WRAP73: variants seen among roughly 807,000 people sequenced by gnomAD.
WRAP73 encodes the protein WD repeat containing, antisense to TP73, also known as WD repeat-containing protein WRAP73.
WRAP73 carries 55 observed loss-of-function variants against 59.6 expected under a neutral mutation model. The ratio of observed to expected loss-of-function variants is 0.92; its 90% CI spans 0.74 to 1.15. WRAP73 has a LOEUF of 1.15. Ranked by LOEUF, WRAP73 falls within the 50% of genes most tolerant of loss-of-function variation. The probability of loss-of-function intolerance (pLI) is 0.00; values close to 1 mark genes in which losing one functional copy is unlikely to be tolerated. For synonymous variants in WRAP73, 265 were observed against 258.2 expected (o/e 1.03, Z -0.25); for missense variants, 592 against 608.1 (o/e 0.97, Z 0.28).
intron 6 of WRAP73, 150 bp downstream of exon 6, chr1:3,635,794 C>T (rs996235484): frequency 1.5e-6 from 1 of 687,496 alleles, no homozygotes. Flanking sequence ...GCACTCCAGC[C>T]TGGGTGACAG....
chr1:3,640,654 CA>C (rs1184223331), intron 3 of WRAP73, among the ~76,000 whole-genome samples: 1 of 149,842 alleles, frequency 6.7e-6, no homozygotes, highest in Non-Finnish European at 1.5e-5. Context: ...TGAGCATCAG[CA>C]GGGCAGGGTG....
At position 3,639,178 on chromosome 1, in the gene WRAP73, TCA is replaced by T. The variant is rs2101962515; in HGVS notation, c.340-358_340-357del. 1 of 245,066 alleles carries T rather than the reference TCA, an allele frequency of 4.1e-6. No homozygotes were observed. Among genetic ancestry groups the T allele is most frequent in the East Asian group, 1.4e-4 (1 of 7,232 alleles). The allele number at this position is 245,066 out of a possible 1,614,324, so 15.2% of individuals were successfully genotyped here. ...TCTTGATCTAGAAACCACCACGGGT[TCA>T]GTCTCCTTTATGGGAAGACAGAGGA... On this transcript the variant is annotated intron_variant, in intron 3 of 11. Transcript: ENST00000270708. The surrounding 1 kb of genome is among the most constrained non-coding windows in gnomAD (Gnocchi z 4.3).
intron 1 of WRAP73, among the ~76,000 whole-genome samples, chr1:3,648,029 C>G (rs1460258699): frequency 6.6e-6 from 1 of 152,224 alleles, no homozygotes; most frequent in Non-Finnish European, 1.5e-5. Flanking sequence ...ATGCATCAAT[C>G]TTCTTATGCA....
intron 11 of WRAP73, 77 bp downstream of exon 11, chr1:3,631,389 T>C (rs1285486942): frequency 1.3e-6 from 2 of 1,511,700 alleles, no homozygotes; most frequent in South Asian, 2.4e-5. Flanking sequence ...GCAGCTGGGC[T>C]TCAACAGTTC....
Position 3,643,529 on chromosome 1 carries a change from TGG to T in WRAP73, c.339+3135_339+3136del, listed in dbSNP as rs1249646127. The stretch of plus-strand genomic sequence containing the variant: ...TCCCATGCTCCACAGCACCCTCACG[TGG>T]GGTGGCGCCTTCGCAAGTGGACTCA... On this transcript the variant is annotated intron_variant, in intron 3 of 11. Transcript: ENST00000270708. 4.7e-4 allele frequency among the ~76,000 whole-genome samples: 72 copies of T among 152,278 alleles called. 2 individuals carry two copies. Among genetic ancestry groups the T allele is most frequent in the Middle Eastern group, 6.8e-3 (2 of 294 alleles).
intron 8 of WRAP73, chr1:3,634,074 C>G (rs1644566916): frequency 6.5e-6 from 1 of 153,108 alleles, no homozygotes. Flanking sequence ...GAATCACAGG[C>G]AAACCTTCAG....
intron 3 of WRAP73, among the ~76,000 whole-genome samples, chr1:3,644,396 G>A (rs1570309448): frequency 8.9e-6 from 1 of 112,782 alleles, no homozygotes; most frequent in South Asian, 2.3e-4. Context: ...CCCCGGACAT[G>A]GGGTCGCGCC....
At chr1:3,634,194 G>T in intron 8 of WRAP73, 1 of 153,450 alleles carries the variant, frequency 6.5e-6, no homozygotes, top group Non-Finnish European at 1.4e-5. Flanking sequence ...CACCCTTTCT[G>T]CCCAGACACC....
intron 8 of WRAP73, 38 bp downstream of exon 8, chr1:3,634,959 A>G (rs1403014086): frequency 1.8e-5 from 29 of 1,611,480 alleles, no homozygotes; most frequent in Non-Finnish European, 2.5e-5. Context: ...GCCCTCCCCA[A>G]CAGCCTGCTC....
intron 5 of WRAP73, chr1:3,636,394 C>T: frequency 6.3e-6 from 2 of 316,118 alleles, no homozygotes; most frequent in Non-Finnish European, 1.2e-5. Context: ...GCCTGGCCAG[C>T]CCCCGAAGGT....
chr1:3,633,436 C>T lies in WRAP73; in HGVS notation c.884G>A (p.Arg295Gln), dbSNP rs145549722. The T allele has an allele frequency of 1.7e-4, 270 of 1,611,932 alleles. No homozygotes were observed. The highest frequency in any genetic ancestry group is 9.9e-4 in the African/African-American group (74 of 75,002). Residue 295 changes from arginine (R) to glutamine (Q), a missense_variant, in exon 9 of 12, where the codon CGG becomes CAG. By Grantham distance (43) the Arg-to-Gln change is conservative. Coordinates refer to ENST00000270708, the MANE Select transcript of WRAP73 (RefSeq NM_017818.4). Reference sequence around the variant, plus strand: ...GCTCGGGAGAGGGCCGGCCCCGGCCCGGGGCGGCGGGAAGGAGAGGCAGCC... The same window carrying T: ...GCTCGGGAGAGGGCCGGCCCCGGCCTGGGGCGGCGGGAAGGAGAGGCAGCC... ...GLGCLSFPPPRAGAGPLPSSE... is the reference protein window; with the variant it reads ...GLGCLSFPPPQAGAGPLPSSE...
In WRAP73 at chr1:3,635,221, A is replaced by G; in HGVS notation, c.677T>C (p.Ile226Thr). The G allele has an allele frequency of 6.2e-7, 1 of 1,614,038 alleles. No individual in the cohort carries two copies. The highest frequency in any genetic ancestry group is 8.5e-7 in the Non-Finnish European group (1 of 1,180,034). Residue 226 changes from isoleucine to threonine, a missense_variant, in exon 7 of 12, where the codon ATC becomes ACC. Ile to Thr is a moderately conservative substitution (Grantham distance 89). Transcript: ENST00000270708. ...GCTGGGGCTCCAGGCCACAGACTTG[A>G]TGCCCAGGGACCACTCGTAAGCGCT... ...TYSAYEWSLG[I>T]KSVAWSPSSQ...
intron 4 of WRAP73, among the ~76,000 whole-genome samples, chr1:3,637,769 G>GGCTGCACTGAGCTGTGATCGTGTC (rs1314939593): frequency 6.5e-4 from 99 of 152,322 alleles, no homozygotes; most frequent in African/African-American, 2.2e-3. Flanking sequence ...AGGAGGTCGA[G>GGCTGCACTGAGCTGTGATCGTGTC]GCTGCACTGA....
Position 3,650,023 on chromosome 1 carries a change from A to G in WRAP73, c.-24T>C, listed in dbSNP as rs1644726148. On this transcript the variant is annotated 5_prime_UTR_variant, in exon 1 of 12. Transcript: ENST00000270708. Reference sequence around the variant, plus strand: ...ATGGCCGCCGCCTGCCGCGGGCGCCACCCTGCGCCCGAAAACCCGCGGGAC... The same window carrying G: ...ATGGCCGCCGCCTGCCGCGGGCGCCGCCCTGCGCCCGAAAACCCGCGGGAC... The G allele has an allele frequency of 1.9e-6, 3 of 1,578,996 alleles. No homozygotes were observed. In the South Asian group the frequency reaches 3.5e-5, roughly 18 times the overall value.
At chr1:3,635,372 GT>G (rs1323180283) in intron 6 of WRAP73, 78 bp from the exon 7 acceptor site, 5 of 1,579,206 alleles carry the variant, frequency 3.2e-6, no homozygotes, top group Non-Finnish European at 4.3e-6. Flanking sequence ...GTGCTGCAGA[GT>G]GACATTGGTG....
At chr1:3,633,215 C>G in intron 9 of WRAP73, 183 bp downstream of exon 9, 1 of 629,878 alleles carries the variant, frequency 1.6e-6, no homozygotes, top group Admixed American at 2.8e-5. Context: ...ACCTTCACGG[C>G]CCACTGCGCA....
chr1:3,632,088 C>G, intron 10 of WRAP73, 125 bp downstream of exon 10: 2 of 1,501,812 alleles, frequency 1.3e-6, no homozygotes, highest in Non-Finnish European at 1.8e-6. Flanking sequence ...TCGGCTACTG[C>G]AGAAACGTGA....
intron 9 of WRAP73, chr1:3,632,716 G>C: frequency 3.0e-6 from 1 of 334,442 alleles, no homozygotes; most frequent in Non-Finnish European, 5.8e-6. Context: ...CTCAGCGTCA[G>C]TACCCTTAGA....
chr1:3,638,219 G>A (rs1209080716), intron 4 of WRAP73, among the ~76,000 whole-genome samples: 3 of 152,232 alleles, frequency 2.0e-5, no homozygotes, highest in Non-Finnish European at 2.9e-5. Flanking sequence ...CCAGTTAGAC[G>A]CGCTGGCAGT....
Sources: gnomAD v4.1 joint callset for allele counts (sites outside exome capture counted in the v4.1 genomes callset) on GRCh38, gnomAD v4.1.1 for gene constraint, Gnocchi (gnomAD v3.1) non-coding constraint, MANE v1.5 for transcripts, NCBI Gene and HGNC (gene_info 2026-07-23, HGNC 2026-07-21) for gene names.